EGFLAM: variants seen among roughly 807,000 people sequenced by gnomAD.
EGFLAM encodes the protein pikachurin.
EGFLAM carries 79 observed loss-of-function variants against 113.1 expected under a neutral mutation model. The observed-to-expected ratio is 0.70, with a 90% CI of 0.58 to 0.84. EGFLAM has a LOEUF of 0.84. Ranked by LOEUF, EGFLAM falls within the 40% of genes least tolerant of loss-of-function variation. The pLI is 0.00. For synonymous variants in EGFLAM, 504 were observed against 487.6 expected (o/e 1.03, Z -0.44); for missense variants, 1,265 against 1,291.6 (o/e 0.98, Z 0.32).
chr5:38,325,473 G>A (rs547787249), intron 1 of EGFLAM, among the ~76,000 whole-genome samples: 1 of 152,316 alleles, frequency 6.6e-6, no homozygotes, highest in African/African-American at 2.4e-5. Context: ...AAATGTGCAT[G>A]GACAAGTGGC....
intron 3 of EGFLAM, among the ~76,000 whole-genome samples, chr5:38,348,409 T>A (rs544825873): frequency 6.6e-6 from 1 of 151,978 alleles, no homozygotes; most frequent in East Asian, 1.9e-4. Context: ...ATGGAGGGTA[T>A]TGGAAAGGAG....
At position 38,338,782 on chromosome 5, in the gene EGFLAM, G is replaced by A. The variant is rs1373954914; in HGVS notation, c.291+1G>A. 1 of 1,614,092 alleles carries A rather than the reference G, an allele frequency of 6.2e-7. No homozygotes were observed. Among genetic ancestry groups the A allele is most frequent in the African/African-American group, 1.3e-5 (1 of 75,058 alleles). On this transcript the variant is annotated splice_donor_variant, in intron 3 of 21. Coordinates refer to ENST00000322350, the MANE Select transcript of EGFLAM (RefSeq NM_152403.4). LOFTEE classifies it high-confidence loss of function. Reference sequence around the variant, plus strand: ...TCTCAGCCGGGACATCCCGACCACGGTGAGTCTTTCCATCCTGGCAGCCCA... The same window carrying A: ...TCTCAGCCGGGACATCCCGACCACGATGAGTCTTTCCATCCTGGCAGCCCA...
At chr5:38,302,752 C>T (rs1315101592) in intron 1 of EGFLAM, among the ~76,000 whole-genome samples, 1 of 151,560 alleles carries the variant, frequency 6.6e-6, no homozygotes, top group Non-Finnish European at 1.5e-5. Flanking sequence ...AGCCTTTTCT[C>T]CCTTGTTTAA....
chr5:38,258,886 C>A (rs769078421), intron 1 of EGFLAM, 35 bp downstream of exon 1: 3 of 1,591,000 alleles, frequency 1.9e-6, no homozygotes, highest in East Asian at 2.3e-5. Flanking sequence ...CACCACGCCC[C>A]GAGCGCCCCT....
chr5:38,386,357 C>T (rs1244469681), intron 6 of EGFLAM, among the ~76,000 whole-genome samples: 1 of 152,076 alleles, frequency 6.6e-6, no homozygotes. Context: ...CCACGCCTGG[C>T]TAATTTTGTA....
intron 1 of EGFLAM, among the ~76,000 whole-genome samples, 153 bp from the exon 2 acceptor site, chr5:38,337,367 A>G (rs1190696648): frequency 1.3e-5 from 2 of 152,172 alleles, no homozygotes; most frequent in Admixed American, 6.5e-5. Context: ...GTCAGCTGAG[A>G]TAGGTGTGGT....
chr5:38,436,883 A>G (rs1742368835), intron 16 of EGFLAM, among the ~76,000 whole-genome samples: 1 of 152,158 alleles, frequency 6.6e-6, no homozygotes, highest in Non-Finnish European at 1.5e-5. Flanking sequence ...GACTGGGGAA[A>G]AGTTTTCTCT....
At chr5:38,445,289 C>T (rs1742669730) in intron 17 of EGFLAM, among the ~76,000 whole-genome samples, 1 of 152,126 alleles carries the variant, frequency 6.6e-6, no homozygotes, top group Non-Finnish European at 1.5e-5. Flanking sequence ...AAGTAATAAT[C>T]ATTGACAAGG....
chr5:38,393,730 C>T (rs753347997), intron 6 of EGFLAM, among the ~76,000 whole-genome samples: 9 of 152,330 alleles, frequency 5.9e-5, no homozygotes, highest in African/African-American at 1.9e-4. Flanking sequence ...TCCTCTCTGG[C>T]GGAGCAGGCT....
Position 38,418,085 on chromosome 5 carries a change from C to T in EGFLAM, c.1514C>T (p.Thr505Ile). 2 of 1,613,812 alleles carry T rather than the reference C, an allele frequency of 1.2e-6. No homozygotes were observed. Reference protein sequence around the residue: ...GQSQGQYSKITFRTPLYLGGA... With the variant: ...GQSQGQYSKIIFRTPLYLGGA... Reference sequence around the variant, plus strand: ...TTAAAGGGCCAATACAGTAAAATTACTTTCCGGACACCTCTCTATCTTGGT... The same window carrying T: ...TTAAAGGGCCAATACAGTAAAATTATTTTCCGGACACCTCTCTATCTTGGT... The change falls in exon 12 of 22, where the codon ACT (threonine) becomes ATT (isoleucine). Residue 505 changes from threonine to isoleucine, a missense_variant. Physicochemically the swap from Thr to Ile is moderately conservative, Grantham distance 89. Coordinates refer to ENST00000322350, the MANE Select transcript of EGFLAM (RefSeq NM_152403.4).
rs11451294 is a variant in EGFLAM, at chr5:38,394,711, CTTT to C, written c.713-11397_713-11395del. Among the ~76,000 whole-genome samples, 163 of 121,696 alleles carry C rather than the reference CTTT, an allele frequency of 1.3e-3. 2 individuals carry two copies. Among genetic ancestry groups the C allele is most frequent in the African/African-American group, 5.0e-3 (151 of 30,212 alleles). 79.8% of individuals were successfully genotyped at this position (121,696 alleles called of 152,430 possible). The stretch of plus-strand genomic sequence containing the variant: ...GGCGTGAGCCACCGCGCCGGGCCCA[CTTT>C]TTTTTTTTTTTTTTTTTAACTCTAA... On this transcript the variant is annotated intron_variant, in intron 6 of 21. Transcript: ENST00000322350.
At chr5:38,350,145 GA>G (rs1739582570) in intron 3 of EGFLAM, among the ~76,000 whole-genome samples, 1 of 152,168 alleles carries the variant, frequency 6.6e-6, no homozygotes, top group South Asian at 2.1e-4. Flanking sequence ...TCTGCAAATG[GA>G]AAGAAGGAAC....
chr5:38,323,195 T>C (rs549223916), intron 1 of EGFLAM, among the ~76,000 whole-genome samples: 3 of 152,220 alleles, frequency 2.0e-5, no homozygotes, highest in Non-Finnish European at 4.4e-5. Context: ...ACAGATGATA[T>C]TTTTGTTTGC....
intron 9 of EGFLAM, among the ~76,000 whole-genome samples, chr5:38,408,144 C>A (rs1255721916): frequency 6.6e-5 from 10 of 152,136 alleles, no homozygotes; most frequent in African/African-American, 2.4e-4. Flanking sequence ...TATAGAGTAG[C>A]TGGCATGAAG....
chr5:38,419,835 C>T (rs1466920004), intron 12 of EGFLAM, among the ~76,000 whole-genome samples: 10 of 152,214 alleles, frequency 6.6e-5, no homozygotes, highest in Admixed American at 6.5e-4. Context: ...GGAGACCAGC[C>T]TGGCCAACAT....
chr5:38,369,424 T>C (rs1740148818), intron 5 of EGFLAM, among the ~76,000 whole-genome samples: 1 of 152,210 alleles, frequency 6.6e-6, no homozygotes, highest in African/African-American at 2.4e-5. Context: ...TATTGGATCA[T>C]GCAGGTATAG....
At chr5:38,384,869 G>T (rs1469897307) in intron 6 of EGFLAM, among the ~76,000 whole-genome samples, 5 of 152,136 alleles carry the variant, frequency 3.3e-5, no homozygotes, top group Admixed American at 3.3e-4. Context: ...GGTCCCCAAA[G>T]AATATTTGGC....
chr5:38,463,506 T>C (rs528174301), intron 21 of EGFLAM, among the ~76,000 whole-genome samples: 1 of 152,372 alleles, frequency 6.6e-6, no homozygotes, highest in African/African-American at 2.4e-5. Context: ...CTGCATTCTG[T>C]TGACATTATA....
chr5:38,263,652 G>A (rs1263720581), intron 1 of EGFLAM, among the ~76,000 whole-genome samples: 1 of 152,132 alleles, frequency 6.6e-6, no homozygotes, highest in Non-Finnish European at 1.5e-5. Context: ...TTTTGATAAA[G>A]TCTAATTTAT....
Sources: gnomAD v4.1 joint callset for allele counts (sites outside exome capture counted in the v4.1 genomes callset) on GRCh38, gnomAD v4.1.1 for gene constraint, MANE v1.5 for transcripts, NCBI Gene and HGNC (gene_info 2026-07-23, HGNC 2026-07-21) for gene names.